Variants in HARS2 observed in about 807,000 individuals in gnomAD.
HARS2 encodes histidyl-tRNA synthetase 2, mitochondrial.
In HARS2, 40 loss-of-function variants were observed where a neutral mutation model predicts 62.4. The observed-to-expected ratio is 0.64, with a 90% confidence interval of 0.50 to 0.83. HARS2 has a LOEUF of 0.83. Ranked by LOEUF, HARS2 falls within the 40% of genes least tolerant of loss-of-function variation. HARS2 has a pLI of 0.00. For synonymous variants in HARS2, 228 were observed against 227.0 expected (o/e 1.00, Z -0.04); for missense variants, 569 against 626.4 (o/e 0.91, Z 0.98).
At position 140,695,568 on chromosome 5, in the gene HARS2, G is replaced by A; in HGVS notation, c.460G>A (p.Gly154Arg). ...GAAGAAGATGAAACGTTATCATGTT[G>A]GAAAGGTGTGGCGGCGAGAGAGCCC... ...KVKKMKRYHVGKVWRRESPTI... is the reference protein window; with the variant it reads ...KVKKMKRYHVRKVWRRESPTI... The change falls in exon 5 of 13, where the codon GGA (glycine) becomes AGA (arginine). Residue 154 changes from glycine to arginine, a missense_variant. By Grantham distance (125) the Gly-to-Arg change is moderately radical. Transcript: ENST00000230771. 6.2e-7 allele frequency: 1 copy of A among 1,614,194 alleles called. No individual in the cohort carries two copies. Among genetic ancestry groups the A allele is most frequent in the Non-Finnish European group, 8.5e-7 (1 of 1,180,030 alleles).
chr5:140,693,437 G>A (rs1759616072), intron 1 of HARS2, 154 bp from the exon 2 acceptor site: 2 of 1,442,326 alleles, frequency 1.4e-6, no homozygotes, highest in Non-Finnish European at 1.9e-6. Flanking sequence ...GATTCTTTGG[G>A]GTGGGACTGA....
chr5:140,692,010 GA>G (rs1247714055), intron 1 of HARS2: 1 of 563,936 alleles, frequency 1.8e-6, no homozygotes, highest in African/African-American at 1.9e-5. Flanking sequence ...CTTATACACG[GA>G]TATGTAGTAA....
chr5:140,693,015 C>A (rs1056845163), intron 1 of HARS2, among the ~76,000 whole-genome samples: 1 of 151,800 alleles, frequency 6.6e-6, no homozygotes, highest in Non-Finnish European at 1.5e-5. Context: ...CTTCATTATT[C>A]TCAGATTCTT....
At chr5:140,697,428 G>C (rs1272976434) in intron 10 of HARS2, 22 bp downstream of exon 10, 30 of 1,613,656 alleles carry the variant, frequency 1.9e-5, no homozygotes, top group Non-Finnish European at 2.5e-5. Context: ...ATAGGTGTGA[G>C]GTGGGGCTGG....
chr5:140,692,059 A>C, intron 1 of HARS2: 1 of 399,050 alleles, frequency 2.5e-6, no homozygotes, highest in Non-Finnish European at 4.6e-6. Flanking sequence ...TTTTCCTGAA[A>C]CTCTTGGACT....
At chr5:140,696,064 C>A in intron 6 of HARS2, 39 bp from the exon 7 acceptor site, 1 of 1,405,666 alleles carries the variant, frequency 7.1e-7, no homozygotes, top group Non-Finnish European at 1.0e-6. Context: ...AGTGGAAGGG[C>A]ATTGACAAGC....
At chr5:140,692,507 G>T (rs758241748) in intron 1 of HARS2, among the ~76,000 whole-genome samples, 1 of 152,184 alleles carries the variant, frequency 6.6e-6, no homozygotes, top group Non-Finnish European at 1.5e-5. Context: ...CATTCCACAG[G>T]CTTGTTCTGT....
chr5:140,697,996 G>T lies in HARS2; in HGVS notation c.1379G>T (p.Gly460Val), dbSNP rs758437147. Residue 460 changes from glycine (G) to valine (V), a missense_variant, in exon 12 of 13, where the codon GGC becomes GTC. By Grantham distance (109) the Gly-to-Val change is moderately radical. Coordinates refer to ENST00000230771, the MANE Select transcript of HARS2 (RefSeq NM_012208.4). ...LTQLHYCEST[G>V]IPLVVIIGEQ... Reference sequence around the variant, plus strand: ...CAGCTGCACTATTGTGAGAGCACAGGCATTCCACTGGTGGTCATTATTGGT... The same window carrying T: ...CAGCTGCACTATTGTGAGAGCACAGTCATTCCACTGGTGGTCATTATTGGT... 1 of 1,613,832 alleles carries T rather than the reference G, an allele frequency of 6.2e-7. No individual in the cohort carries two copies. The highest frequency in any genetic ancestry group is 1.1e-5 in the South Asian group (1 of 91,084).
Position 140,693,997 on chromosome 5 carries a change from C to A in HARS2, c.246C>A (p.Ile82=). 6.2e-7 allele frequency: 1 copy of A among 1,613,992 alleles called. No individual in the cohort carries two copies. Among genetic ancestry groups the A allele is most frequent in the Non-Finnish European group, 8.5e-7 (1 of 1,179,886 alleles). Residue 82 remains isoleucine, a synonymous_variant, in exon 3 of 13, where the codon ATC becomes ATA. Coordinates refer to ENST00000230771, the MANE Select transcript of HARS2 (RefSeq NM_012208.4). ...VVREKILDLV[I]SCFKRHGAKG... ...GGGAGAAAATTCTTGATTTGGTTAT[C>A]AGCTGCTTTAAACGTCATGGAGCAA...
intron 6 of HARS2, 100 bp downstream of exon 6, chr5:140,695,945 C>T (rs1759725767): frequency 9.9e-7 from 1 of 1,008,966 alleles, no homozygotes; most frequent in Admixed American, 1.7e-5. Flanking sequence ...AAGCCTGCAA[C>T]TGTAGGACTT....
chr5:140,691,792 C>G, intron 1 of HARS2, 36 bp downstream of exon 1: 1 of 1,390,098 alleles, frequency 7.2e-7, no homozygotes. Context: ...TCTGTCCCAG[C>G]AGGGTCTCCA....
chr5:140,693,897 T>G (rs777926517), intron 2 of HARS2, 38 bp from the exon 3 acceptor site: 25 of 1,613,002 alleles, frequency 1.5e-5, no homozygotes, highest in Non-Finnish European at 2.0e-5. Flanking sequence ...GACTTATTTT[T>G]TGTTTTTGTT....
In HARS2 at chr5:140,696,925, G is replaced by A; in HGVS notation, c.827-18G>A. 6.2e-7 allele frequency: 1 copy of A among 1,609,818 alleles called. No individual in the cohort carries two copies. The highest frequency in any genetic ancestry group is 8.5e-7 in the Non-Finnish European group (1 of 1,178,626). Reference sequence around the variant, plus strand: ...GAAACACATGTGAGTGAACAGCAGAGACTTTATTTCTCTCCAGGTGGGGTA... The same window carrying A: ...GAAACACATGTGAGTGAACAGCAGAAACTTTATTTCTCTCCAGGTGGGGTA... On this transcript the variant is annotated intron_variant, in intron 8 of 12. Transcript: ENST00000230771.
Position 140,697,610 on chromosome 5 carries a change from T to A in HARS2, c.1239T>A (p.Phe413Leu). The A allele has an allele frequency of 6.2e-7, 1 of 1,614,104 alleles. No homozygotes were observed. The highest frequency in any genetic ancestry group is 8.5e-7 in the Non-Finnish European group (1 of 1,179,942). The change falls in exon 11 of 13, where the codon TTT becomes TTA. Residue 413 changes from phenylalanine (F) to leucine (L), a missense_variant. By Grantham distance (22) the Phe-to-Leu change is conservative (BLOSUM62 0). Transcript: ENST00000230771. ...TGCGGACTACAGAGACTCAAGTGTT[T>A]GTGGCCACACCACAGAAGAACTTTC... ...EKVRTTETQV[F>L]VATPQKNFLQ...
rs369075888 is a variant in HARS2, at chr5:140,694,011, G to A, written c.260G>A (p.Arg87His). The part of the protein sequence containing the change: ...ILDLVISCFK[R>H]HGAKGMDTPA... ...GATTTGGTTATCAGCTGCTTTAAACGTCATGGAGCAAAGGGGATGGACACC... is the reference window on the plus strand; with the variant it reads ...GATTTGGTTATCAGCTGCTTTAAACATCATGGAGCAAAGGGGATGGACACC... Residue 87 changes from arginine to histidine, a missense_variant, in exon 3 of 13, where the codon CGT (arginine) becomes CAT (histidine). Coordinates refer to ENST00000230771, the MANE Select transcript of HARS2 (RefSeq NM_012208.4). The A allele has an allele frequency of 4.3e-6, 7 of 1,613,994 alleles. No individual in the cohort carries two copies. The highest frequency in any genetic ancestry group is 2.2e-5 in the East Asian group (1 of 44,892).
intron 1 of HARS2, chr5:140,693,373 G>T: frequency 1.2e-6 from 1 of 847,452 alleles, no homozygotes; most frequent in Non-Finnish European, 1.9e-6. Context: ...GGAAGCTTGT[G>T]TGGTGAAGAC....
At position 140,695,521 on chromosome 5, in the gene HARS2, G is replaced by A. The variant is rs1432653451; in HGVS notation, c.413G>A (p.Arg138His). Residue 138 changes from arginine (R) to histidine (H), a missense_variant, in exon 5 of 13, where the codon CGT becomes CAT. Arg to His is a conservative substitution (Grantham distance 29, BLOSUM62 0). Coordinates refer to ENST00000230771, the MANE Select transcript of HARS2 (RefSeq NM_012208.4). Reference sequence around the variant, plus strand: ...CATTTATGTGAGGTTCCCTTTGCTCGTTATCTGGCCATGAATAAGGTGAAG... The same window carrying A: ...CATTTATGTGAGGTTCCCTTTGCTCATTATCTGGCCATGAATAAGGTGAAG... Reference protein sequence around the residue: ...LRYDLTVPFARYLAMNKVKKM... With the variant: ...LRYDLTVPFAHYLAMNKVKKM... 4.1e-5 allele frequency: 66 copies of A among 1,613,884 alleles called. No homozygotes were observed. The highest frequency in any genetic ancestry group is 5.3e-5 in the Non-Finnish European group (62 of 1,180,000).
rs773108592 is a variant in HARS2, at chr5:140,698,068, G to C, written c.1451G>C (p.Ser484Thr). 199 of 1,614,174 alleles carry C rather than the reference G, an allele frequency of 1.2e-4. No individual in the cohort carries two copies. The highest frequency in any genetic ancestry group is 1.7e-4 in the Non-Finnish European group (196 of 1,179,996). The change falls in exon 12 of 13, where the codon AGC becomes ACC. Residue 484 changes from serine (S) to threonine (T), a missense_variant. Physicochemically the swap from Ser to Thr is moderately conservative, Grantham distance 58. Coordinates refer to ENST00000230771, the MANE Select transcript of HARS2 (RefSeq NM_012208.4). ...GTCATCAAGATCCGTTCAGTGGCCA[G>C]CAGAGAGGAGGTGAGTGGCGGCAGC... ...EGVIKIRSVA[S>T]REEVAIKREN...
intron 4 of HARS2, 53 bp from the exon 5 acceptor site, chr5:140,695,455 C>G: frequency 6.2e-7 from 1 of 1,609,220 alleles, no homozygotes; most frequent in Non-Finnish European, 8.5e-7. Context: ...TGTCTGTATA[C>G]TGGGCCTAAT....
Sources: gnomAD v4.1 joint callset for allele counts (sites outside exome capture counted in the v4.1 genomes callset) on GRCh38, gnomAD v4.1.1 for gene constraint, MANE v1.5 for transcripts, NCBI Gene and HGNC (gene_info 2026-07-23, HGNC 2026-07-21) for gene names.